RSRC1: variants seen among roughly 807,000 people sequenced by gnomAD.
The protein encoded by RSRC1 is serine/Arginine-related protein 53.
In RSRC1, 39 loss-of-function variants were observed where a neutral mutation model predicts 49.1. The observed-to-expected ratio is 0.79, with a 90% confidence interval of 0.61 to 1.04. The LOEUF is 1.04. Ranked by LOEUF, RSRC1 falls within the 50% of genes least tolerant of loss-of-function variation. The pLI, the probability that RSRC1 is intolerant of heterozygous loss-of-function variation, is 0.00. For missense variants in RSRC1, 388 were observed against 402.4 expected (o/e 0.96, Z 0.31); for synonymous variants, 143 against 130.8 (o/e 1.09, Z -0.63).
At chr3:158,450,884 G>C (rs2108389574) in intron 6 of RSRC1, among the ~76,000 whole-genome samples, 1 of 151,444 alleles carries the variant, frequency 6.6e-6, no homozygotes, top group South Asian at 2.1e-4. Flanking sequence ...ATTTACAGTA[G>C]CTTACTATTG....
intron 6 of RSRC1, among the ~76,000 whole-genome samples, chr3:158,445,389 C>G (rs1474721807): frequency 2.0e-5 from 3 of 151,948 alleles, no homozygotes; most frequent in East Asian, 1.9e-4. Flanking sequence ...TCATTCTCAG[C>G]AAACTATCGC....
intron 5 of RSRC1, among the ~76,000 whole-genome samples, chr3:158,311,456 T>C (rs1728120828): frequency 6.6e-6 from 1 of 152,028 alleles, no homozygotes; most frequent in African/African-American, 2.4e-5. Context: ...TTAATATTTT[T>C]ATTTCCTTTC....
intron 4 of RSRC1, among the ~76,000 whole-genome samples, chr3:158,291,594 C>T (rs1313516382): frequency 5.3e-5 from 8 of 152,080 alleles, no homozygotes; most frequent in Non-Finnish European, 8.8e-5. Flanking sequence ...CATTACTTTA[C>T]TGGGAGAATC....
intron 3 of RSRC1, among the ~76,000 whole-genome samples, chr3:158,128,222 G>A (rs769208745): frequency 5.3e-5 from 8 of 152,168 alleles, no homozygotes; most frequent in Non-Finnish European, 1.0e-4. Context: ...TACATTCCAT[G>A]CTTCTCTTTT....
intron 6 of RSRC1, among the ~76,000 whole-genome samples, chr3:158,390,764 G>A (rs564454014): frequency 6.6e-6 from 1 of 152,184 alleles, no homozygotes; most frequent in African/African-American, 2.4e-5. Context: ...ATATATTACA[G>A]TATTTATGCT....
rs531361398 is a variant in RSRC1, at chr3:158,279,489, C to T, written c.495-18550C>T. On this transcript the variant is annotated intron_variant, in intron 4 of 9. Coordinates refer to ENST00000611884, the MANE Select transcript of RSRC1 (RefSeq NM_001271838.2). ...AATAGGCTGGATTTGGCCTATGGGC[C>T]GTAGTTTACTGATCCCTGATTTGTA... Among the ~76,000 whole-genome samples, 9 of 152,302 alleles carry T rather than the reference C, an allele frequency of 5.9e-5. No homozygotes were observed. In the South Asian group the frequency reaches 6.2e-4, roughly 11 times the overall value.
At chr3:158,354,720 G>A in intron 5 of RSRC1, 137 bp from the exon 6 acceptor site, 1 of 623,736 alleles carries the variant, frequency 1.6e-6, no homozygotes, top group Admixed American at 3.6e-5. Context: ...AGATGTGATG[G>A]ATTTTAATAT....
intron 6 of RSRC1, among the ~76,000 whole-genome samples, chr3:158,453,305 C>CAA (rs554197844): frequency 1.4e-3 from 219 of 151,536 alleles, no homozygotes; most frequent in Non-Finnish European, 1.9e-3. Flanking sequence ...TAGGCTCCTA[C>CAA]AAGTGGGATT....
At chr3:158,490,807 G>A (rs998741890) in intron 7 of RSRC1, among the ~76,000 whole-genome samples, 1 of 152,174 alleles carries the variant, frequency 6.6e-6, no homozygotes, top group African/African-American at 2.4e-5. Flanking sequence ...GAATGATCTT[G>A]ATTAGTGTTC....
intron 6 of RSRC1, among the ~76,000 whole-genome samples, chr3:158,363,715 C>G (rs1731608502): frequency 6.6e-6 from 1 of 152,188 alleles, no homozygotes; most frequent in Admixed American, 6.5e-5. Flanking sequence ...AAGTAAGCCT[C>G]TGATTCTGAA....
chr3:158,533,425 A>G (rs2108502222), intron 7 of RSRC1, among the ~76,000 whole-genome samples: 1 of 151,718 alleles, frequency 6.6e-6, no homozygotes, highest in South Asian at 2.1e-4. Flanking sequence ...TTTCCTTTAT[A>G]ATTTTTCCAA....
intron 7 of RSRC1, among the ~76,000 whole-genome samples, chr3:158,508,019 G>A (rs931188296): frequency 6.6e-6 from 1 of 152,250 alleles, no homozygotes; most frequent in Admixed American, 6.5e-5. Context: ...GCTGCAGTGA[G>A]CTATGATCAT....
At chr3:158,426,045 A>G (rs1735418138) in intron 6 of RSRC1, among the ~76,000 whole-genome samples, 1 of 151,706 alleles carries the variant, frequency 6.6e-6, no homozygotes, top group South Asian at 2.1e-4. Context: ...GGATTTTTCT[A>G]AATGATAGTG....
chr3:158,397,610 A>G (rs1429210337), intron 6 of RSRC1, among the ~76,000 whole-genome samples: 4 of 152,146 alleles, frequency 2.6e-5, no homozygotes, highest in Non-Finnish European at 4.4e-5. Flanking sequence ...CTGTTAGTGT[A>G]TTATAGTGGA....
chr3:158,465,199 A>G (rs571303093), intron 7 of RSRC1, among the ~76,000 whole-genome samples: 9 of 152,084 alleles, frequency 5.9e-5, no homozygotes, highest in Admixed American at 4.6e-4. Flanking sequence ...CTTTTCCCCT[A>G]CGGACTGCCT....
intron 3 of RSRC1, among the ~76,000 whole-genome samples, chr3:158,156,249 CTT>C (rs1717872649): frequency 6.6e-6 from 1 of 152,172 alleles, no homozygotes; most frequent in African/African-American, 2.4e-5. Flanking sequence ...TAGCTTCAAA[CTT>C]TTCTTTTGTA....
At chr3:158,238,700 T>A (rs1027589190) in intron 4 of RSRC1, among the ~76,000 whole-genome samples, 1 of 152,190 alleles carries the variant, frequency 6.6e-6, no homozygotes, top group Non-Finnish European at 1.5e-5. Flanking sequence ...TCCTTACACC[T>A]TATACAAAAA....
At chr3:158,154,362 A>G (rs1297876336) in intron 3 of RSRC1, among the ~76,000 whole-genome samples, 1 of 152,192 alleles carries the variant, frequency 6.6e-6, no homozygotes, top group Non-Finnish European at 1.5e-5. Flanking sequence ...GTGGCAATTT[A>G]AAATAAGACA....
At chr3:158,267,017 G>C (rs1476595256) in intron 4 of RSRC1, among the ~76,000 whole-genome samples, 2 of 152,142 alleles carry the variant, frequency 1.3e-5, no homozygotes, top group Non-Finnish European at 2.9e-5. Context: ...ATCTGCCTTG[G>C]CCTCCCAAAG....
Sources: gnomAD v4.1 joint callset for allele counts (sites outside exome capture counted in the v4.1 genomes callset) on GRCh38, gnomAD v4.1.1 for gene constraint, MANE v1.5 for transcripts, NCBI Gene and HGNC (gene_info 2026-07-23, HGNC 2026-07-21) for gene names.